PDGFA: variants seen among roughly 807,000 people sequenced by gnomAD.
PDGFA encodes platelet-derived growth factor subunit A.
In PDGFA, 9 loss-of-function variants were observed where a neutral mutation model predicts 25.6. That is an observed-to-expected ratio of 0.35 (90% CI 0.21 to 0.61). The LOEUF is 0.61. Among genes scored for constraint, PDGFA ranks in the 20% least tolerant of loss-of-function variants. The pLI is 0.75. For synonymous variants in PDGFA, 133 were observed against 111.8 expected, an observed-to-expected ratio of 1.19 and a Z score of -1.20; for missense variants, 242 against 272.8, an observed-to-expected ratio of 0.89 and a Z score of 0.79.
intron 5 of PDGFA, among the ~76,000 whole-genome samples, chr7:498,779 C>T (rs1401262591): frequency 4.6e-5 from 7 of 152,356 alleles, no homozygotes; most frequent in African/African-American, 1.7e-4. Flanking sequence ...TGGGATTAGG[C>T]TCACAGCATC....
chr7:518,798 A>G (rs1783226066), intron 1 of PDGFA, 141 bp downstream of exon 1: 6 of 536,820 alleles, frequency 1.1e-5, no homozygotes, highest in Non-Finnish European at 1.9e-5. Flanking sequence ...GGCAGAAAAT[A>G]GAACCCAGTT....
At chr7:520,302 C>T (rs1460074724), upstream of PDGFA, 3 of 191,642 alleles carry the variant, frequency 1.6e-5, no homozygotes, top group African/African-American at 2.4e-5. Context: ...GGCCGCTCTC[C>T]ACGGTTCGGA....
At chr7:505,065 G>A (rs1442754097) in intron 4 of PDGFA, among the ~76,000 whole-genome samples, 3 of 152,214 alleles carry the variant, frequency 2.0e-5, no homozygotes, top group African/African-American at 7.2e-5. Context: ...CAGGATTCCG[G>A]GCCGTTCCGC....
exon 1 of PDGFA, chr7:519,234 G>A (rs933862026): frequency 3.1e-5 from 13 of 415,472 alleles, no homozygotes; most frequent in African/African-American, 2.7e-4. Flanking sequence ...CCCGCAGCGC[G>A]GGGAGCCTCC....
At chr7:498,312 C>CTG in exon 6 of PDGFA, 1 of 484,234 alleles carries the variant, frequency 2.1e-6, no homozygotes, top group Non-Finnish European at 3.7e-6. Flanking sequence ...GTTTTGTTTT[C>CTG]TCTCTCTCTT....
rs548643523 is a variant in PDGFA at position 500,859 on chromosome 7, GC to G, written c.580+256del. 9.4e-5 allele frequency: 145 copies of G among 1,538,956 alleles called. 1 individual carries two copies. The African/African-American group carries it at 1.8e-3, about 19-fold the overall frequency. On this transcript the variant is annotated intron_variant, in intron 5 of 5. Coordinates refer to ENST00000402802, the Ensembl canonical transcript of PDGFA. The surrounding 1 kb of genome is among the most constrained non-coding windows in gnomAD (Gnocchi z 5.0). ...GAATTGGGTGTCTTATGCACTCCCA[GC>G]CCCTCTCAGTGAGACCTGAATCTCC...
intron 2 of PDGFA, among the ~76,000 whole-genome samples, chr7:516,041 C>CG (rs200648687): frequency 0.076 from 1,317 of 17,290 alleles, 24 homozygotes; most frequent in Non-Finnish European, 0.16. Flanking sequence ...CAGGAAGCAG[C>CG]CCCCCCCCCC....
intron 2 of PDGFA, among the ~76,000 whole-genome samples, chr7:515,779 G>C (rs1400212546): frequency 6.6e-6 from 1 of 151,902 alleles, no homozygotes; most frequent in Non-Finnish European, 1.5e-5. Context: ...TTTTCTGTTC[G>C]GACCCTACGA....
At chr7:505,738 T>C (rs1399901286) in intron 4 of PDGFA, among the ~76,000 whole-genome samples, 1 of 152,108 alleles carries the variant, frequency 6.6e-6, no homozygotes, top group East Asian at 1.9e-4. Flanking sequence ...TGAATCTCCA[T>C]CCCTAGCCTG....
intron 1 of PDGFA, among the ~76,000 whole-genome samples, chr7:518,249 G>A (rs1783196996): frequency 6.6e-6 from 1 of 152,148 alleles, no homozygotes. Flanking sequence ...GAGAGTCGGG[G>A]GTCGCTGGGG....
At chr7:518,971 C>A in exon 1 of PDGFA, 1 of 1,541,368 alleles carries the variant, frequency 6.5e-7, no homozygotes, top group Non-Finnish European at 8.7e-7. Context: ...TATCCGCAGC[C>A]GAGGAGCAGC....
At chr7:508,780 T>C (rs960743774) in intron 4 of PDGFA, among the ~76,000 whole-genome samples, 7 of 151,972 alleles carry the variant, frequency 4.6e-5, no homozygotes, top group Non-Finnish European at 1.0e-4. Flanking sequence ...CCCTCCCAGA[T>C]GGGAGCCCCA....
Position 499,720 on chromosome 7 carries a change from TCCCCCCCC to T in PDGFA, c.581-1154_581-1147del, listed in dbSNP as rs1162560758. Among the ~76,000 whole-genome samples the T allele has an allele frequency of 1.3e-4, 3 of 23,050 alleles. 1 individual carries two copies. Among genetic ancestry groups the T allele is most frequent in the Non-Finnish European group, 2.5e-4 (3 of 11,932 alleles). 15.1% of individuals were successfully genotyped at this position (23,050 alleles called of 152,430 possible). A position where few individuals can be genotyped will look rare whatever the true frequency, so the allele number is the denominator to read the frequency against. ...CTCTCTAAGGGTGTTATTTTGCCCT[TCCCCCCCC>T]CCCCCGCTCACTCCTTCTTCCAGCC... is the stretch of plus-strand genomic sequence containing the variant. On this transcript the variant is annotated intron_variant, in intron 5 of 5. Coordinates refer to ENST00000402802, the Ensembl canonical transcript of PDGFA.
chr7:502,291 AG>A (rs34031821), intron 4 of PDGFA, among the ~76,000 whole-genome samples: 48,087 of 151,968 alleles, frequency 0.32, 7,986 homozygotes, highest in Non-Finnish European at 0.36. Flanking sequence ...TCCTAGCCCA[AG>A]GTTGCTGTGG....
intron 3 of PDGFA, among the ~76,000 whole-genome samples, chr7:512,144 C>T (rs368583577): frequency 3.9e-5 from 6 of 152,298 alleles, no homozygotes; most frequent in African/African-American, 1.4e-4. Context: ...GAGACACCCT[C>T]GAAGGAGGGA....
At chr7:501,128 C>T (rs1172882879) in exon 5 of PDGFA, 1 of 1,614,204 alleles carries the variant, frequency 6.2e-7, no homozygotes, top group Non-Finnish European at 8.5e-7. Flanking sequence ...GTGTCCTCTT[C>T]CCGATAATCC....
intron 4 of PDGFA, among the ~76,000 whole-genome samples, chr7:501,825 G>A (rs1562484582): frequency 6.6e-6 from 1 of 152,202 alleles, no homozygotes; most frequent in Non-Finnish European, 1.5e-5. Context: ...GCTAAGGTGT[G>A]GAAGTTTGGG....
intron 4 of PDGFA, among the ~76,000 whole-genome samples, chr7:507,898 CG>C (rs754121508): frequency 3.3e-5 from 5 of 152,104 alleles, no homozygotes; most frequent in Non-Finnish European, 7.4e-5. Flanking sequence ...GACCCCCCGG[CG>C]GTAAATATCC....
chr7:511,903 G>A lies in PDGFA; in HGVS notation c.265+448C>T, dbSNP rs536145112. On this transcript the variant is annotated intron_variant, in intron 3 of 5. Coordinates refer to ENST00000402802, the Ensembl canonical transcript of PDGFA. ...GCACACGGGTGTGGTGAGGGTGTCG[G>A]GGGGCAGCCGCCGGACACAGCACGC... 5.4e-4 allele frequency among the ~76,000 whole-genome samples: 82 copies of A among 152,186 alleles called. 5 individuals carry two copies. In the East Asian group the frequency reaches 0.016, roughly 29 times the overall value.
Sources: allele counts gnomAD v4.1 joint callset (sites outside exome capture counted in the v4.1 genomes callset), GRCh38; gene constraint gnomAD v4.1.1; non-coding constraint Gnocchi (gnomAD v3.1); transcripts MANE v1.5; gene names NCBI Gene and HGNC (gene_info 2026-07-23, HGNC 2026-07-21).